Variants in CAST observed in about 807,000 individuals in gnomAD.
CAST encodes the protein MIR583 host.
CAST carries 76 observed loss-of-function variants against 119.6 expected under a neutral mutation model. That is an observed-to-expected ratio of 0.64 (90% CI 0.53 to 0.77). CAST has a LOEUF of 0.77. CAST is among the 30% of genes least tolerant of loss of function. The pLI is 0.00. For missense variants in CAST, 953 were observed against 946.5 expected (o/e 1.01, Z -0.09); for synonymous variants, 319 against 331.6 (o/e 0.96, Z 0.41).
chr5:96,668,596 TA>T (rs1749647344), intron 1 of CAST, among the ~76,000 whole-genome samples: 1 of 152,160 alleles, frequency 6.6e-6, no homozygotes, highest in South Asian at 2.1e-4. Flanking sequence ...ACTCTTTTCA[TA>T]AATTTGCCAG....
At chr5:96,152,110 G>A in the CAST span, among the ~76,000 whole-genome samples, 1 of 152,182 alleles carries the variant, frequency 6.6e-6, no homozygotes, top group Non-Finnish European at 1.5e-5. Flanking sequence ...ATGTGTAAGA[G>A]ATAGAAAAGA....
chr5:96,582,752 A>AT (rs869149965), intron 1 of CAST, among the ~76,000 whole-genome samples: 1 of 152,238 alleles, frequency 6.6e-6, no homozygotes, highest in African/African-American at 2.4e-5. Flanking sequence ...TTAAATAATT[A>AT]TTTTTAAAAA....
chr5:96,363,927 G>A, the CAST span, among the ~76,000 whole-genome samples: 1 of 152,142 alleles, frequency 6.6e-6, no homozygotes, highest in African/African-American at 2.4e-5. Context: ...CAAAGCAAAT[G>A]CTTCCAGTTT....
chr5:95,963,950 T>A, the CAST span, among the ~76,000 whole-genome samples: 1 of 152,264 alleles, frequency 6.6e-6, no homozygotes, highest in East Asian at 1.9e-4. Context: ...GGAGTAAGGA[T>A]GGTTTTCGTT....
At chr5:96,282,831 T>C in the CAST span, among the ~76,000 whole-genome samples, 23 of 152,032 alleles carry the variant, frequency 1.5e-4, no homozygotes, top group African/African-American at 5.3e-4. Flanking sequence ...TGAGGGTTCA[T>C]AGAAAAAAAA....
the CAST span, among the ~76,000 whole-genome samples, chr5:96,149,902 C>G: frequency 1.3e-5 from 2 of 152,320 alleles, no homozygotes. Flanking sequence ...AACAAGGTAA[C>G]TTATTTCAAG....
the CAST span, among the ~76,000 whole-genome samples, chr5:96,040,838 T>C: frequency 6.6e-6 from 1 of 152,182 alleles, no homozygotes. Flanking sequence ...TTCTCTTTTT[T>C]TGTTGTGTCT....
the CAST span, among the ~76,000 whole-genome samples, chr5:95,991,151 T>A: frequency 5.9e-5 from 9 of 152,226 alleles, no homozygotes; most frequent in African/African-American, 2.2e-4. Context: ...GGACATTGGA[T>A]AATTTTCATA....
chr5:96,587,320 G>C (rs1746878485), intron 1 of CAST, among the ~76,000 whole-genome samples: 1 of 152,164 alleles, frequency 6.6e-6, no homozygotes, highest in Non-Finnish European at 1.5e-5. Context: ...CACACCAATA[G>C]AATAATGCAC....
At chr5:96,179,897 C>T in the CAST span, among the ~76,000 whole-genome samples, 97 of 152,064 alleles carry the variant, frequency 6.4e-4, no homozygotes, top group Middle Eastern at 3.4e-3. Context: ...ATTAGCCAGG[C>T]GTGGTGGCGG....
chr5:96,220,292 A>G, the CAST span, among the ~76,000 whole-genome samples: 1 of 152,202 alleles, frequency 6.6e-6, no homozygotes, highest in Non-Finnish European at 1.5e-5. Context: ...TCTGGTGTCT[A>G]TAATGTTTTG....
At chr5:96,385,016 C>T in the CAST span, among the ~76,000 whole-genome samples, 2 of 152,100 alleles carry the variant, frequency 1.3e-5, no homozygotes, top group Admixed American at 1.3e-4. Flanking sequence ...AAAAAGAAGA[C>T]ACATTAACAT....
the CAST span, among the ~76,000 whole-genome samples, chr5:96,379,934 G>A: frequency 6.6e-6 from 1 of 152,138 alleles, no homozygotes; most frequent in Non-Finnish European, 1.5e-5. Context: ...GTATACAGCA[G>A]CCTGTCCTGA....
chr5:96,132,496 C>T, the CAST span, among the ~76,000 whole-genome samples: 1 of 152,052 alleles, frequency 6.6e-6, no homozygotes, highest in East Asian at 1.9e-4. Context: ...CTATCAAACA[C>T]TCCAGCTTAT....
chr5:96,208,575 C>T, the CAST span, among the ~76,000 whole-genome samples: 2 of 151,860 alleles, frequency 1.3e-5, no homozygotes, highest in Admixed American at 6.6e-5. Context: ...GCTTTAATTT[C>T]ATTGTTTACC....
At chr5:96,563,869 A>G (rs1746425967) in intron 1 of CAST, among the ~76,000 whole-genome samples, 1 of 152,228 alleles carries the variant, frequency 6.6e-6, no homozygotes, top group Admixed American at 6.5e-5. Context: ...ATCTGCAGAT[A>G]CAAAGACGCA....
chr5:96,619,517 GGGTCCTCTTCCACAGTGT>G (rs1261930831), intron 1 of CAST, among the ~76,000 whole-genome samples: 1 of 152,202 alleles, frequency 6.6e-6, no homozygotes, highest in Non-Finnish European at 1.5e-5. Flanking sequence ...GCAACCTGCT[GGGTCCTCTTCCACAGTGT>G]GGTAGCTTTG....
chr5:96,721,954 C>A (rs1337295616), intron 3 of CAST, among the ~76,000 whole-genome samples: 1 of 152,212 alleles, frequency 6.6e-6, no homozygotes, highest in Non-Finnish European at 1.5e-5. Flanking sequence ...AGAATTCCCT[C>A]TGTAACCTTG....
At chr5:96,710,154 A>C (rs1203940012) in intron 3 of CAST, among the ~76,000 whole-genome samples, 1 of 152,244 alleles carries the variant, frequency 6.6e-6, no homozygotes, top group East Asian at 1.9e-4. Context: ...CAATATTAGC[A>C]TCAAAAATCT....
Sources: allele counts gnomAD v4.1 joint callset (sites outside exome capture counted in the v4.1 genomes callset), GRCh38; gene constraint gnomAD v4.1.1; transcripts MANE v1.5; gene names NCBI Gene and HGNC (gene_info 2026-07-23, HGNC 2026-07-21).